OTOF: variants seen among roughly 807,000 people sequenced by gnomAD.
OTOF encodes fer-1-like family member 2.
A neutral mutation model predicts 236.8 loss-of-function variants in OTOF; 218 were observed. The observed-to-expected ratio is 0.92, with a 90% confidence interval of 0.82 to 1.03. The LOEUF is 1.03. Ranked by LOEUF, OTOF falls within the 50% of genes least tolerant of loss-of-function variation. The probability of loss-of-function intolerance (pLI) is 0.00; values close to 1 mark genes in which losing one functional copy is unlikely to be tolerated. For synonymous variants in OTOF, 1,041 were observed against 1,072.5 expected (o/e 0.97, Z 0.57); for missense variants, 2,590 against 2,694.4 (o/e 0.96, Z 0.86).
chr2:26,464,918 CT>C lies in OTOF; in HGVS notation c.4910del (p.Lys1637ArgfsTer32). The part of the protein sequence containing the change: ...GPHFGPPGRV[K>X]VANRVFTGPS... ...GCCCAGTGAAGACGCGGTTGGCCAC[CT>C]TCACTCTCCCAGGGGGCCCAAAGTG... On this transcript the variant is annotated frameshift_variant, in exon 39 of 47. Transcript: ENST00000272371. LOFTEE classifies it high-confidence loss of function. 1.3e-6 allele frequency: 2 copies of C among 1,594,676 alleles called. No homozygotes were observed. The highest frequency in any genetic ancestry group is 1.4e-5 in the African/African-American group (1 of 73,756).
chr2:26,515,666 A>G (rs1666505547), intron 5 of OTOF, among the ~76,000 whole-genome samples: 1 of 152,134 alleles, frequency 6.6e-6, no homozygotes, highest in Non-Finnish European at 1.5e-5. Context: ...CTCAAAACAC[A>G]CCCTGGTCCT....
intron 3 of OTOF, among the ~76,000 whole-genome samples, chr2:26,520,645 A>G (rs1666654482): frequency 6.6e-6 from 1 of 152,180 alleles, no homozygotes; most frequent in Non-Finnish European, 1.5e-5. Context: ...CACCTCTCCC[A>G]GCTCAGGCAG....
intron 8 of OTOF, among the ~76,000 whole-genome samples, chr2:26,499,846 A>T (rs1200998472): frequency 1.3e-5 from 2 of 152,226 alleles, no homozygotes; most frequent in African/African-American, 2.4e-5. Context: ...ATAATTTCAC[A>T]TTTGCATCCT....
chr2:26,464,494 T>C (rs1558469695), intron 39 of OTOF, among the ~76,000 whole-genome samples: 1 of 152,072 alleles, frequency 6.6e-6, no homozygotes, highest in Non-Finnish European at 1.5e-5. Flanking sequence ...AAGGAGAGTT[T>C]AAGGATTAGA....
At chr2:26,539,377 A>G (rs956081210) in intron 1 of OTOF, among the ~76,000 whole-genome samples, 4 of 152,234 alleles carry the variant, frequency 2.6e-5, no homozygotes, top group African/African-American at 7.2e-5. Flanking sequence ...ATTAAAAAAA[A>G]TACCAAAACC....
At chr2:26,489,821 CA>C (rs1665796824) in intron 9 of OTOF, 81 bp from the exon 10 acceptor site, 11 of 1,054,292 alleles carry the variant, frequency 1.0e-5, no homozygotes, top group Non-Finnish European at 1.6e-5. Context: ...TCCCTCCTCG[CA>C]GGGCCTGTCT....
intron 1 of OTOF, among the ~76,000 whole-genome samples, chr2:26,542,914 G>A (rs189035122): frequency 6.6e-6 from 1 of 152,304 alleles, no homozygotes; most frequent in East Asian, 1.9e-4. Flanking sequence ...TCCCAGCAGT[G>A]CCTGCCATTG....
chr2:26,525,248 T>A (rs1041647062), intron 3 of OTOF, among the ~76,000 whole-genome samples: 1 of 152,146 alleles, frequency 6.6e-6, no homozygotes, highest in African/African-American at 2.4e-5. Context: ...CCTTGCCCCA[T>A]ACTCAGCTGA....
Position 26,490,984 on chromosome 2 carries a change from CA to C in OTOF, c.898-1245del, listed in dbSNP as rs1186306558. On this transcript the variant is annotated intron_variant, in intron 9 of 46. Coordinates refer to ENST00000272371, the MANE Select transcript of OTOF (RefSeq NM_194248.3). ...GTGGGGATATGGATTTGGGAATCGT[CA>C]GCACAAGATGGTAACTGACACCTTG... is the stretch of plus-strand genomic sequence containing the variant. Among the ~76,000 whole-genome samples, 13 of 152,184 alleles carry C rather than the reference CA, an allele frequency of 8.5e-5. No homozygotes were observed. The East Asian group carries it at 2.3e-3, about 27-fold the overall frequency.
intron 2 of OTOF, among the ~76,000 whole-genome samples, chr2:26,536,183 A>T (rs1667065207): frequency 6.6e-6 from 1 of 152,076 alleles, no homozygotes; most frequent in African/African-American, 2.4e-5. Context: ...TGAAGCATCT[A>T]TGACAGCTGT....
chr2:26,495,091 G>C lies in OTOF; in HGVS notation c.766-18C>G, dbSNP rs1198355147. ...ATGCTGACCTGCAGGCAGGAGAAGG[G>C]GGAGCCAGAAGGAAAGCTGCCTGAG... On this transcript the variant is annotated intron_variant, in intron 8 of 46. Transcript: ENST00000272371. 1.2e-6 allele frequency: 2 copies of C among 1,613,958 alleles called. No individual in the cohort carries two copies. Among genetic ancestry groups the C allele is most frequent in the East Asian group, 2.2e-5 (1 of 44,876 alleles).
rs747941829 is a variant in OTOF at position 26,477,524 on chromosome 2, C to T, written c.2316-18G>A. On this transcript the variant is annotated intron_variant, in intron 19 of 46. Transcript: ENST00000272371. This position sits in a 1 kb window ranked among gnomAD's most constrained non-coding sequence, Gnocchi z 4.7. ...GGAAGCGGCTGGGGGTAGGGCGAGC[C>T]GGGGTTTAGCGAGCCTGACCAGCAG... 43 of 1,597,484 alleles carry T rather than the reference C, an allele frequency of 2.7e-5. No homozygotes were observed. The highest frequency in any genetic ancestry group is 1.7e-4 in the Middle Eastern group (1 of 6,052).
intron 5 of OTOF, chr2:26,510,637 G>T: frequency 1.9e-6 from 2 of 1,064,210 alleles, no homozygotes; most frequent in Non-Finnish European, 2.5e-6. Context: ...GCCCTCCACA[G>T]CCTGTGGGGA....
chr2:26,473,551 A>G lies in OTOF; in HGVS notation c.3425T>C (p.Leu1142Pro). The G allele has an allele frequency of 6.2e-7, 1 of 1,608,814 alleles. No individual in the cohort carries two copies. The highest frequency in any genetic ancestry group is 1.1e-5 in the South Asian group (1 of 90,820). ...CAGGTTCACCCGCTTTAGGTCCCGT[A>G]GGCCCCAGAACAGCACCTGGGAGAG... Reference protein sequence around the residue: ...KYRVEVLFWGLRDLKRVNLAQ... With the variant: ...KYRVEVLFWGPRDLKRVNLAQ... Residue 1142 changes from leucine to proline, a missense_variant, in exon 28 of 47, where the codon CTA becomes CCA. Physicochemically the swap from Leu to Pro is moderately conservative, Grantham distance 98. Transcript: ENST00000272371. The surrounding 1 kb of genome is among the most constrained non-coding windows in gnomAD (Gnocchi z 7.2).
Position 26,475,396 on chromosome 2 carries a change from G to T in OTOF, c.3089C>A (p.Pro1030His). ...GTCATAGATTTCAATGACAATGATG[G>T]GCGGATCGTCCCTCAGCTCATGAGC... ...GEAHELRDDP[P>H]IIVIEIYDQD... The change falls in exon 25 of 47, where the codon CCC becomes CAC. Residue 1030 changes from proline (P) to histidine (H), a missense_variant. By Grantham distance (77) the Pro-to-His change is moderately conservative. This residue lies in a region of OTOF where 1,211 missense variants were observed against 1,352.8 expected (regional missense o/e 0.90). Transcript: ENST00000272371. The T allele has an allele frequency of 6.2e-7, 1 of 1,613,140 alleles. No homozygotes were observed. Among genetic ancestry groups the T allele is most frequent in the Non-Finnish European group, 8.5e-7 (1 of 1,179,960 alleles).
Position 26,475,377 on chromosome 2 carries a change from G to T in OTOF, c.3108C>A (p.Ile1036=), listed in dbSNP as rs1665199463. The T allele has an allele frequency of 6.2e-7, 1 of 1,613,020 alleles. No homozygotes were observed. The highest frequency in any genetic ancestry group is 8.5e-7 in the Non-Finnish European group (1 of 1,179,994). The change falls in exon 25 of 47, where the codon ATC becomes ATA. Residue 1036 remains isoleucine, a synonymous_variant. Transcript: ENST00000272371. Reference sequence around the variant, plus strand: ...CCCATACCATGGAATCCTGGTCATAGATTTCAATGACAATGATGGGCGGAT... The same window carrying T: ...CCCATACCATGGAATCCTGGTCATATATTTCAATGACAATGATGGGCGGAT... The part of the protein sequence containing the change: ...RDDPPIIVIE[I]YDQDSMGKAD...
chr2:26,516,312 C>A (rs1666522419), intron 5 of OTOF, 106 bp downstream of exon 5: 1 of 1,066,394 alleles, frequency 9.4e-7, no homozygotes, highest in African/African-American at 1.6e-5. Flanking sequence ...CAGCCCTGTA[C>A]TCTGAGCCCA....
rs1307457278 is a variant in OTOF, at chr2:26,502,360, T to C, written c.650A>G (p.Asp217Gly). The C allele has an allele frequency of 3.1e-6, 5 of 1,613,798 alleles. No homozygotes were observed. The East Asian group carries it at 1.1e-4, about 36-fold the overall frequency. Residue 217 changes from aspartate to glycine, a missense_variant, in exon 7 of 47, where the codon GAT (aspartate) becomes GGT (glycine). This residue lies in a region of OTOF where 1,379 missense variants were observed against 1,341.6 expected (regional missense o/e 1.03). Transcript: ENST00000272371. The part of the protein sequence containing the change: ...HLAIRLGDGL[D>G]PDSVSLASVT... ...TGAGGCTAGAGACACCGAGTCGGGATCCAGTCCATCTCCTAGCCGAATGGC... is the reference window on the plus strand; with the variant it reads ...TGAGGCTAGAGACACCGAGTCGGGACCCAGTCCATCTCCTAGCCGAATGGC...
intron 9 of OTOF, among the ~76,000 whole-genome samples, chr2:26,490,251 C>T (rs112991788): frequency 4.5e-4 from 69 of 152,302 alleles, no homozygotes; most frequent in African/African-American, 1.5e-3. Context: ...AGATATACTA[C>T]GGTTTAATAA....
Sources: gnomAD v4.1 joint callset for allele counts (sites outside exome capture counted in the v4.1 genomes callset) on GRCh38, gnomAD v4.1.1 for gene constraint, gnomAD v4.1.1 regional missense constraint, Gnocchi (gnomAD v3.1) non-coding constraint, MANE v1.5 for transcripts, NCBI Gene and HGNC (gene_info 2026-07-23, HGNC 2026-07-21) for gene names.